CGN: variants seen among roughly 807,000 people sequenced by gnomAD.
The protein encoded by CGN is cingulin.
CGN carries 121 observed loss-of-function variants against 157.1 expected under a neutral mutation model. That is an observed-to-expected ratio of 0.77 (90% confidence interval 0.66 to 0.90). The LOEUF is 0.90. Ranked by LOEUF, CGN falls within the 40% of genes least tolerant of loss-of-function variation. The pLI is 0.00. For synonymous variants in CGN, 535 were observed against 607.5 expected (o/e 0.88, Z 1.76); for missense variants, 1,424 against 1,520.9 (o/e 0.94, Z 1.06).
intron 9 of CGN, among the ~76,000 whole-genome samples, chr1:151,526,221 C>T (rs1316965271): frequency 6.8e-6 from 1 of 147,476 alleles, no homozygotes; most frequent in Non-Finnish European, 1.5e-5. Flanking sequence ...CTCTGTTGCC[C>T]AGGCTAGAGT....
upstream of CGN, chr1:151,510,987 T>C (rs1366924953): frequency 1.3e-5 from 2 of 152,260 alleles, no homozygotes; most frequent in Admixed American, 1.3e-4. Flanking sequence ...AAGAGCATTC[T>C]GGTTCCTGCA....
chr1:151,538,600 A>G lies in CGN; in HGVS notation c.*1254A>G, dbSNP rs993547793. 1.3e-5 allele frequency: 2 copies of G among 152,192 alleles called. No homozygotes were observed. Among genetic ancestry groups the G allele is most frequent in the East Asian group, 1.9e-4 (1 of 5,200 alleles). 9.4% of individuals were successfully genotyped at this position (152,192 alleles called of 1,614,324 possible). ...TAATGTCGTGATTAAAAAAATTCCTATATTCTTCTGCAAATCAAACGTTCT... is the reference window on the plus strand; with the variant it reads ...TAATGTCGTGATTAAAAAAATTCCTGTATTCTTCTGCAAATCAAACGTTCT... On this transcript the variant is annotated 3_prime_UTR_variant, in exon 21 of 21. Coordinates refer to ENST00000271636, the MANE Select transcript of CGN (RefSeq NM_020770.3).
chr1:151,535,112 T>C lies in CGN; in HGVS notation c.2975T>C (p.Val992Ala). 6.2e-7 allele frequency: 1 copy of C among 1,613,930 alleles called. No homozygotes were observed. ...ACCGTGGAGCTGCTAACAGATCGGG[T>C]GAATCGTGGCCGGGACCAGGTAACC... ...KNTVELLTDR[V>A]NRGRDQVDQL... is the part of the protein sequence containing the mutation. Residue 992 changes from valine to alanine, a missense_variant, in exon 16 of 21, where the codon GTG becomes GCG. By Grantham distance (64) the Val-to-Ala change is moderately conservative. This residue lies in a region of CGN where 199 missense variants were observed against 272.2 expected (regional missense o/e 0.73). Coordinates refer to ENST00000271636, the MANE Select transcript of CGN (RefSeq NM_020770.3).
At chr1:151,532,225 G>A (rs1422924900) in intron 13 of CGN, among the ~76,000 whole-genome samples, 177 bp from the exon 14 acceptor site, 1 of 152,180 alleles carries the variant, frequency 6.6e-6, no homozygotes, top group Non-Finnish European at 1.5e-5. Flanking sequence ...GTAGAGCCAG[G>A]ATTTGAACCC....
At chr1:151,516,729 A>G (rs1222293882) in intron 1 of CGN, among the ~76,000 whole-genome samples, 3 of 151,342 alleles carry the variant, frequency 2.0e-5, no homozygotes, top group Non-Finnish European at 4.4e-5. Flanking sequence ...TTTAGTAGAG[A>G]CAGGGTTTCA....
Position 151,536,301 on chromosome 1 carries a change from CAG to C in CGN, c.3264_3265del (p.Gln1088HisfsTer2), listed in dbSNP as rs757368550. ...LERKVKELSIQIEDERQHVND... is the reference protein window; with the variant it reads ...LERKVKELSIXIEDERQHVND... Reference sequence around the variant, plus strand: ...GCGGAAAGTTAAAGAACTATCCATCCAGATTGAAGACGAGCGGCAGCATGTCA... The same window carrying C: ...GCGGAAAGTTAAAGAACTATCCATCCATTGAAGACGAGCGGCAGCATGTCA... On this transcript the variant is annotated frameshift_variant, in exon 19 of 21. Transcript: ENST00000271636. LOFTEE classifies it high-confidence loss of function. The C allele has an allele frequency of 1.2e-6, 2 of 1,612,846 alleles. No individual in the cohort carries two copies. Among genetic ancestry groups the C allele is most frequent in the East Asian group, 4.5e-5 (2 of 44,874 alleles).
Position 151,520,259 on chromosome 1 carries a change from A to G in CGN, c.967A>G (p.Arg323Gly). The change falls in exon 3 of 21, where the codon AGG becomes GGG. Residue 323 changes from arginine (R) to glycine (G), a missense_variant. This residue lies in a region of CGN where 1,187 missense variants were observed against 1,217.6 expected (regional missense o/e 0.97). Coordinates refer to ENST00000271636, the MANE Select transcript of CGN (RefSeq NM_020770.3). ...GAAGGCCACCATCTATGGCATCCTG[A>G]GGGAGGGGTGAGTGGGGGCCCCCCC... ...HMKATIYGIL[R>G]EGSSESETSV... 1.2e-6 allele frequency: 2 copies of G among 1,613,008 alleles called. No individual in the cohort carries two copies. The highest frequency in any genetic ancestry group is 1.7e-6 in the Non-Finnish European group (2 of 1,179,514).
chr1:151,528,259 T>G (rs537736314), intron 10 of CGN, among the ~76,000 whole-genome samples: 1 of 152,114 alleles, frequency 6.6e-6, no homozygotes, highest in Non-Finnish European at 1.5e-5. Context: ...AGTGCCGGGA[T>G]TACAGGCGTG....
chr1:151,534,794 T>C (rs909538560), intron 15 of CGN: 3 of 481,514 alleles, frequency 6.2e-6, no homozygotes, highest in Non-Finnish European at 1.1e-5. Flanking sequence ...GAAGAGTAGA[T>C]TCTGGGGTTT....
intron 15 of CGN, 141 bp from the exon 16 acceptor site, chr1:151,534,901 G>A: frequency 1.6e-6 from 1 of 644,018 alleles, no homozygotes; most frequent in Non-Finnish European, 2.8e-6. Context: ...AGTGGCTCTG[G>A]GTCCAGGCAA....
upstream of CGN, among the ~76,000 whole-genome samples, chr1:151,511,227 C>T: frequency 6.6e-6 from 1 of 152,196 alleles, no homozygotes; most frequent in East Asian, 1.9e-4. This position sits in a 1 kb window ranked among gnomAD's most constrained non-coding sequence, Gnocchi z 4.8. Context: ...CTGGCCCGCC[C>T]TTCGCGGCTG....
intron 14 of CGN, among the ~76,000 whole-genome samples, chr1:151,532,911 G>A (rs1206981620): frequency 6.6e-6 from 1 of 152,042 alleles, no homozygotes; most frequent in African/African-American, 2.4e-5. Context: ...GAGCCACTGC[G>A]CCCAGCCCGG....
At chr1:151,516,346 G>A (rs928690321) in intron 1 of CGN, among the ~76,000 whole-genome samples, 1 of 152,088 alleles carries the variant, frequency 6.6e-6, no homozygotes, top group Admixed American at 6.6e-5. Flanking sequence ...GAAGGGGTGG[G>A]GAAGCTGAAT....
intron 5 of CGN, 100 bp from the exon 6 acceptor site, chr1:151,523,334 C>A: frequency 8.8e-7 from 1 of 1,137,490 alleles, no homozygotes; most frequent in Non-Finnish European, 1.3e-6. Flanking sequence ...GTCTATCATA[C>A]AGCAAGTGTC....
intron 18 of CGN, 70 bp from the exon 19 acceptor site, chr1:151,536,167 C>T (rs1664964019): frequency 1.0e-6 from 1 of 984,056 alleles, no homozygotes; most frequent in South Asian, 1.3e-5. Flanking sequence ...TCCTTGGGGA[C>T]AGTAGGGGGC....
rs780697832 is a variant in CGN at position 151,529,973 on chromosome 1, C to T, written c.2171C>T (p.Thr724Met). The T allele has an allele frequency of 2.3e-5, 37 of 1,614,130 alleles. No individual in the cohort carries two copies. The highest frequency in any genetic ancestry group is 2.7e-5 in the Non-Finnish European group (32 of 1,180,016). ...LGQRRAAVETTLRETQEENDE... is the reference protein window; with the variant it reads ...LGQRRAAVETMLRETQEENDE... ...CAGCGGCGGGCCGCAGTGGAGACGA[C>T]GCTTCGGGAGACCCAGGAGGAAAAT... Residue 724 changes from threonine to methionine, a missense_variant, in exon 12 of 21, where the codon ACG (threonine) becomes ATG (methionine). Transcript: ENST00000271636.
At chr1:151,533,455 G>A (rs1291498529) in intron 14 of CGN, among the ~76,000 whole-genome samples, 6 of 151,470 alleles carry the variant, frequency 4.0e-5, no homozygotes, top group East Asian at 1.9e-4. Flanking sequence ...CAGCCTGGGC[G>A]ACAGAGCAAG....
At position 151,537,325 on chromosome 1, in the gene CGN, C is replaced by T. The variant is rs1170703984; in HGVS notation, c.3591C>T (p.Asn1197=). The T allele has an allele frequency of 6.2e-7, 1 of 1,613,824 alleles. No individual in the cohort carries two copies. The highest frequency in any genetic ancestry group is 8.5e-7 in the Non-Finnish European group (1 of 1,179,892). The change falls in exon 21 of 21, where the codon AAC becomes AAT. Residue 1197 remains asparagine (N), a synonymous_variant. Transcript: ENST00000271636. ...SSIASLLTES[N]LQTSSC is the part of the protein sequence containing the mutation. ...TTGCATCACTGCTTACGGAGAGCAA[C>T]CTACAGACCAGCTCCTGTTAGCTCG...
At chr1:151,517,124 C>T (rs1489094862) in intron 1 of CGN, among the ~76,000 whole-genome samples, 1 of 152,056 alleles carries the variant, frequency 6.6e-6, no homozygotes, top group African/African-American at 2.4e-5. Flanking sequence ...CGCCATTGCA[C>T]TTCAGCCTGG....
Sources: allele counts gnomAD v4.1 joint callset (sites outside exome capture counted in the v4.1 genomes callset), GRCh38; gene constraint gnomAD v4.1.1; regional missense constraint gnomAD v4.1.1; non-coding constraint Gnocchi (gnomAD v3.1); transcripts MANE v1.5; gene names NCBI Gene and HGNC (gene_info 2026-07-23, HGNC 2026-07-21).